The following GADL1 variants were observed in gnomAD, a reference collection of about 807,000 sequenced individuals.
GADL1 encodes GAD like acidic amino acid decarboxylase 1.
Under a neutral mutation model 69.5 loss-of-function variants are expected in GADL1, and 71 were observed. The ratio of observed to expected loss-of-function variants is 1.02; its 90% confidence interval spans 0.84 to 1.25. The LOEUF is 1.25. Among genes scored for constraint, GADL1 ranks in the 50% most tolerant of loss-of-function variants. The probability of loss-of-function intolerance (pLI) is 0.00; values close to 1 mark genes in which losing one functional copy is unlikely to be tolerated. For missense variants in GADL1, 737 were observed against 631.8 expected (o/e 1.17, Z -1.79); for synonymous variants, 254 against 214.4 (o/e 1.18, Z -1.62).
chr3:30,827,081 A>G (rs921171316), intron 11 of GADL1, among the ~76,000 whole-genome samples: 1 of 151,938 alleles, frequency 6.6e-6, no homozygotes, highest in African/African-American at 2.4e-5. Context: ...TGCATGATAA[A>G]GGACATACTA....
intron 12 of GADL1, among the ~76,000 whole-genome samples, chr3:30,787,005 A>G (rs888076385): frequency 6.6e-6 from 1 of 152,172 alleles, no homozygotes; most frequent in African/African-American, 2.4e-5. Flanking sequence ...GTGAGAACAC[A>G]TGGACACAGG....
chr3:30,746,551 G>T (rs1695705828), intron 14 of GADL1, among the ~76,000 whole-genome samples: 3 of 152,174 alleles, frequency 2.0e-5, no homozygotes, highest in Non-Finnish European at 2.9e-5. Context: ...GGGTAATAAG[G>T]TGACAGGTGC....
intron 1 of GADL1, among the ~76,000 whole-genome samples, chr3:30,882,785 G>A (rs1422969918): frequency 6.6e-6 from 1 of 151,230 alleles, no homozygotes; most frequent in Non-Finnish European, 1.5e-5. Context: ...CTCTAACAGT[G>A]TACAAGTGCT....
In GADL1 at chr3:30,844,246, C is replaced by T. The variant is rs1249914340; in HGVS notation, c.750G>A (p.Glu250=). The change falls in exon 8 of 15, where the codon GAG becomes GAA. Residue 250 remains glutamate (E), a synonymous_variant. Coordinates refer to ENST00000282538, the MANE Select transcript of GADL1 (RefSeq NM_207359.3). ...CTTGCCAGACTTGCTTCTCCAGTTC[C>T]TCAGGTATCATTTTACCTCTAAGGG... ...ETDGRGKMIP[E]ELEKQVWQAR... 1 of 1,612,374 alleles carries T rather than the reference C, an allele frequency of 6.2e-7. No individual in the cohort carries two copies. Among genetic ancestry groups the T allele is most frequent in the Non-Finnish European group, 8.5e-7 (1 of 1,179,364 alleles).
chr3:30,751,169 C>T (rs1296406085), intron 14 of GADL1, among the ~76,000 whole-genome samples: 3 of 151,864 alleles, frequency 2.0e-5, no homozygotes, highest in Non-Finnish European at 2.9e-5. Flanking sequence ...CAGGAGTTTC[C>T]AGTTCAGCCT....
chr3:30,810,933 G>T (rs765760223), intron 11 of GADL1, among the ~76,000 whole-genome samples: 1 of 152,084 alleles, frequency 6.6e-6, no homozygotes, highest in Non-Finnish European at 1.5e-5. Context: ...AGTGGTTTAC[G>T]CATTACCAGC....
Position 30,857,065 on chromosome 3 carries a change from T to C in GADL1, c.287A>G (p.His96Arg). The C allele has an allele frequency of 6.5e-7, 1 of 1,550,098 alleles. No individual in the cohort carries two copies. The highest frequency in any genetic ancestry group is 1.2e-5 in the South Asian group (1 of 84,010). ...ATCCCGACAGAGTTCCAATAGTTTATGGGGTGGCTCGCCTGAGTCTCTCAT... is the reference window on the plus strand; with the variant it reads ...ATCCCGACAGAGTTCCAATAGTTTACGGGGTGGCTCGCCTGAGTCTCTCAT... Reference protein sequence around the residue: ...LEMRDSGEPPHKLLELCRDVI... With the variant: ...LEMRDSGEPPRKLLELCRDVI... The change falls in exon 3 of 15, where the codon CAT (histidine) becomes CGT (arginine). Residue 96 changes from histidine (H) to arginine (R), a missense_variant. Coordinates refer to ENST00000282538, the MANE Select transcript of GADL1 (RefSeq NM_207359.3).
chr3:30,838,926 T>A, intron 9 of GADL1, 71 bp downstream of exon 9: 1 of 906,228 alleles, frequency 1.1e-6, no homozygotes, highest in Non-Finnish European at 1.7e-6. Context: ...TTTCTGAGAA[T>A]AAGAAAAATT....
intron 1 of GADL1, among the ~76,000 whole-genome samples, chr3:30,890,456 T>C (rs1242258813): frequency 6.6e-6 from 1 of 152,108 alleles, no homozygotes; most frequent in Non-Finnish European, 1.5e-5. Context: ...ACCAAACACA[T>C]TAGAAAAACC....
intron 1 of GADL1, among the ~76,000 whole-genome samples, chr3:30,871,042 A>AGTGTGT (rs4016178): frequency 0.085 from 11,965 of 141,388 alleles, 574 homozygotes; most frequent in East Asian, 0.15. Context: ...AAGGCAGAAA[A>AGTGTGT]GTGTGTGTGT....
chr3:30,883,942 G>A (rs1420823711), intron 1 of GADL1, among the ~76,000 whole-genome samples: 1 of 151,852 alleles, frequency 6.6e-6, no homozygotes, highest in Non-Finnish European at 1.5e-5. Context: ...GGCTTTTTAA[G>A]AGATTAGCAG....
intron 14 of GADL1, among the ~76,000 whole-genome samples, chr3:30,763,951 C>T (rs1406353549): frequency 1.3e-5 from 2 of 152,068 alleles, no homozygotes; most frequent in African/African-American, 2.4e-5. Flanking sequence ...AGGAAAAAAT[C>T]TTCCCATTGA....
intron 13 of GADL1, among the ~76,000 whole-genome samples, chr3:30,785,277 G>A (rs1696763475): frequency 2.0e-5 from 3 of 152,010 alleles, no homozygotes; most frequent in African/African-American, 7.2e-5. Context: ...ATGAAATTGG[G>A]GGACCTTTTC....
rs1698023893 is a variant in GADL1 at position 30,844,525 on chromosome 3, A to G, written c.652-59T>C. Reference sequence around the variant, plus strand: ...CATGAAAACATAGCACAAAAAAAGCATTGCTTATTATCAAAGGTAGATGAA... The same window carrying G: ...CATGAAAACATAGCACAAAAAAAGCGTTGCTTATTATCAAAGGTAGATGAA... On this transcript the variant is annotated intron_variant, in intron 6 of 14. Coordinates refer to ENST00000282538, the MANE Select transcript of GADL1 (RefSeq NM_207359.3). The G allele has an allele frequency of 3.8e-6, 4 of 1,066,068 alleles. No individual in the cohort carries two copies. The South Asian group carries it at 5.1e-5, about 14-fold the overall frequency. The allele number at this position is 1,066,068 out of a possible 1,614,324, so 66.0% of individuals were successfully genotyped here.
intron 1 of GADL1, among the ~76,000 whole-genome samples, chr3:30,866,327 C>A (rs1000869983): frequency 1.3e-5 from 2 of 151,918 alleles, no homozygotes; most frequent in Non-Finnish European, 2.9e-5. Flanking sequence ...GGCATAGTGG[C>A]ACACACCTGT....
Position 30,747,015 on chromosome 3 carries a change from G to C in GADL1, c.1393-18600C>G, listed in dbSNP as rs74447905. Among the ~76,000 whole-genome samples the C allele has an allele frequency of 3.6e-3, 548 of 152,158 alleles. 3 individuals are homozygous for C. Among genetic ancestry groups the C allele is most frequent in the Non-Finnish European group, 6.0e-3 (410 of 67,984 alleles). The stretch of plus-strand genomic sequence containing the variant: ...CTCTTTATCCTCACAGGCCCTTTTT[G>C]GTACCTTGTGTAATTATAGCAGACA... On this transcript the variant is annotated intron_variant, in intron 14 of 14. Coordinates refer to ENST00000282538, the MANE Select transcript of GADL1 (RefSeq NM_207359.3).
At chr3:30,889,986 C>T (rs1049912506) in intron 1 of GADL1, among the ~76,000 whole-genome samples, 1 of 152,174 alleles carries the variant, frequency 6.6e-6, no homozygotes, top group East Asian at 1.9e-4. Context: ...GAACCTCTTG[C>T]AATGTGTAGT....
At chr3:30,784,539 G>T (rs1406737257) in intron 13 of GADL1, among the ~76,000 whole-genome samples, 1 of 152,196 alleles carries the variant, frequency 6.6e-6, no homozygotes, top group East Asian at 1.9e-4. Flanking sequence ...GAACTTTCTA[G>T]TCTGATGCTT....
In GADL1 at chr3:30,773,588, G is replaced by A. The variant is rs557161715; in HGVS notation, c.1392+4591C>T. Among the ~76,000 whole-genome samples, 20 of 152,132 alleles carry A rather than the reference G, an allele frequency of 1.3e-4. No homozygotes were observed. The South Asian group carries it at 3.9e-3, about 30-fold the overall frequency. On this transcript the variant is annotated intron_variant, in intron 14 of 14. Coordinates refer to ENST00000282538, the MANE Select transcript of GADL1 (RefSeq NM_207359.3). ...AATTTCGATATTAATATACTACAGTGGCTGTTTTAAACCCCTTTTTAATAT... is the reference window on the plus strand; with the variant it reads ...AATTTCGATATTAATATACTACAGTAGCTGTTTTAAACCCCTTTTTAATAT...
Sources: gnomAD v4.1 joint callset for allele counts (sites outside exome capture counted in the v4.1 genomes callset) on GRCh38, gnomAD v4.1.1 for gene constraint, MANE v1.5 for transcripts, NCBI Gene and HGNC (gene_info 2026-07-23, HGNC 2026-07-21) for gene names.